The following TESK2 variants were observed in gnomAD, a reference collection of about 807,000 sequenced individuals.
TESK2 encodes the protein testis associated actin remodelling kinase 2, also known as dual specificity testis-specific protein kinase 2.
TESK2 carries 39 observed loss-of-function variants against 57.1 expected under a neutral mutation model. The observed-to-expected ratio is 0.68, with a 90% CI of 0.53 to 0.89. The LOEUF (loss-of-function observed/expected upper bound fraction) is 0.89, where lower values mean the gene tolerates loss of function less well. TESK2 is among the 40% of genes least tolerant of loss of function. The pLI, the probability that TESK2 is intolerant of heterozygous loss-of-function variation, is 0.00. For missense variants in TESK2, 646 were observed against 732.1 expected (o/e 0.88, Z 1.36); for synonymous variants, 249 against 267.9 (o/e 0.93, Z 0.69).
At chr1:45,463,874 C>G (rs1478045654) in intron 1 of TESK2, among the ~76,000 whole-genome samples, 1 of 152,166 alleles carries the variant, frequency 6.6e-6, no homozygotes, top group Admixed American at 6.6e-5. Flanking sequence ...TAGGCATGAG[C>G]CACCATGCCC....
chr1:45,402,913 T>C (rs1032332955), intron 3 of TESK2, among the ~76,000 whole-genome samples: 2 of 152,024 alleles, frequency 1.3e-5, no homozygotes, highest in African/African-American at 4.8e-5. Context: ...AATAAATTGC[T>C]TTGCATTTTA....
chr1:45,397,440 T>C (rs887098501), intron 3 of TESK2, among the ~76,000 whole-genome samples: 7 of 152,168 alleles, frequency 4.6e-5, no homozygotes, highest in African/African-American at 1.4e-4. Context: ...CTTGAGAAAC[T>C]GCTACTCAAA....
At position 45,384,617 on chromosome 1, in the gene TESK2, T is replaced by TTA. The variant is rs1557551630; in HGVS notation, c.393+1294_393+1295insTA. On this transcript the variant is annotated intron_variant, in intron 4 of 10. Coordinates refer to ENST00000372086, the MANE Select transcript of TESK2 (RefSeq NM_007170.3). ...AATTTTTTTTTTTTTTTTTTTTTTT[T>TTA]TTTTTTTTTGTAGAGACAGAGCCTT... 9.5e-5 allele frequency among the ~76,000 whole-genome samples: 13 copies of TTA among 137,432 alleles called. 1 individual carries two copies. The highest frequency in any genetic ancestry group is 3.6e-4 in the African/African-American group (13 of 35,798). 90.2% of individuals were successfully genotyped at this position (137,432 alleles called of 152,430 possible).
intron 2 of TESK2, among the ~76,000 whole-genome samples, chr1:45,442,003 C>G (rs1651464255): frequency 6.6e-6 from 1 of 152,144 alleles, no homozygotes; most frequent in African/African-American, 2.4e-5. Flanking sequence ...ATGGTGCTAT[C>G]TCGGCTCACC....
intron 3 of TESK2, among the ~76,000 whole-genome samples, chr1:45,416,072 CTT>C (rs34785518): frequency 5.5e-3 from 327 of 59,240 alleles, no homozygotes; most frequent in African/African-American, 0.018. Context: ...AATCTAGAGC[CTT>C]TTTTTTTTTT....
At chr1:45,421,621 CATG>C in intron 3 of TESK2, 101 bp downstream of exon 3, 1 of 1,472,204 alleles carries the variant, frequency 6.8e-7, no homozygotes, top group South Asian at 1.3e-5. Flanking sequence ...ATAGATTCAG[CATG>C]ATAAATCCTG....
At chr1:45,413,963 A>C (rs1411606315) in intron 3 of TESK2, 3 of 388,744 alleles carry the variant, frequency 7.7e-6, no homozygotes, top group African/African-American at 6.3e-5. Context: ...CCTAAGTATT[A>C]ACAGCAAATT....
At chr1:45,483,667 G>C (rs1315189195) in intron 1 of TESK2, among the ~76,000 whole-genome samples, 1 of 151,996 alleles carries the variant, frequency 6.6e-6, no homozygotes, top group African/African-American at 2.4e-5. Flanking sequence ...CAGTAGTTAA[G>C]TTTTGCCGCG....
At chr1:45,373,156 A>C (rs1648272391) in intron 4 of TESK2, among the ~76,000 whole-genome samples, 1 of 152,218 alleles carries the variant, frequency 6.6e-6, no homozygotes, top group Non-Finnish European at 1.5e-5. Context: ...ACAACAAAAA[A>C]AGATTTGTAT....
chr1:45,384,373 A>ATCTG (rs1243870923), intron 4 of TESK2, among the ~76,000 whole-genome samples: 24 of 135,232 alleles, frequency 1.8e-4, no homozygotes, highest in African/African-American at 3.7e-4. Flanking sequence ...GTATCTATCT[A>ATCTG]TCTATCTATC....
chr1:45,461,393 T>A (rs1652324555), intron 1 of TESK2, among the ~76,000 whole-genome samples: 1 of 152,012 alleles, frequency 6.6e-6, no homozygotes. Flanking sequence ...GTAGGTCTGA[T>A]CTCCATTTTA....
intron 2 of TESK2, among the ~76,000 whole-genome samples, chr1:45,441,977 C>T (rs1447871543): frequency 6.6e-6 from 1 of 152,072 alleles, no homozygotes; most frequent in Non-Finnish European, 1.5e-5. Context: ...GCTCTTGTTG[C>T]CCAAGCTGGA....
At chr1:45,403,786 C>T (rs1649726695) in intron 3 of TESK2, among the ~76,000 whole-genome samples, 1 of 150,316 alleles carries the variant, frequency 6.7e-6, no homozygotes. Context: ...TATATACCCT[C>T]TATCTTGAAT....
intron 2 of TESK2, among the ~76,000 whole-genome samples, chr1:45,446,234 C>A (rs1007859): frequency 7.3e-5 from 11 of 150,000 alleles, no homozygotes; most frequent in Admixed American, 7.3e-4. Context: ...CCAAGGTAGG[C>A]GGATCACTTG....
intron 3 of TESK2, among the ~76,000 whole-genome samples, chr1:45,390,748 GTATTAT>G (rs898956659): frequency 1.3e-5 from 2 of 149,016 alleles, no homozygotes; most frequent in African/African-American, 5.0e-5. Flanking sequence ...GCTAATTTTG[GTATTAT>G]TATTATTATT....
In TESK2 at chr1:45,384,614, T is replaced by TATTTA. The variant is rs1310871577; in HGVS notation, c.393+1297_393+1298insTAAAT. Among the ~76,000 whole-genome samples the TATTTA allele has an allele frequency of 6.6e-3, 882 of 134,000 alleles. 20 individuals are homozygous for TATTTA. Among genetic ancestry groups the TATTTA allele is most frequent in the African/African-American group, 0.015 (516 of 35,124 alleles). The allele number at this position is 134,000 out of a possible 152,430, so 87.9% of individuals were successfully genotyped here. ...ATTAATTTTTTTTTTTTTTTTTTTT[T>TATTTA]TTTTTTTTTTTTGTAGAGACAGAGC... is the stretch of plus-strand genomic sequence containing the variant. On this transcript the variant is annotated intron_variant, in intron 4 of 10. Coordinates refer to ENST00000372086, the MANE Select transcript of TESK2 (RefSeq NM_007170.3).
intron 3 of TESK2, among the ~76,000 whole-genome samples, chr1:45,395,609 C>CTTTTT (rs201678906): frequency 7.6e-4 from 101 of 132,538 alleles, no homozygotes; most frequent in African/African-American, 2.8e-3. Context: ...CTTTTCTTTT[C>CTTTTT]TTTTTTTTTT....
chr1:45,374,022 C>T (rs1648309199), intron 4 of TESK2, among the ~76,000 whole-genome samples: 1 of 152,182 alleles, frequency 6.6e-6, no homozygotes, highest in South Asian at 2.1e-4. Context: ...TCTGTGAATT[C>T]AAGTGTCACA....
intron 4 of TESK2, among the ~76,000 whole-genome samples, chr1:45,384,831 G>A (rs1324345683): frequency 1.3e-5 from 2 of 151,916 alleles, no homozygotes; most frequent in African/African-American, 2.4e-5. Flanking sequence ...TCAAACGTAT[G>A]TAATCAAGAC....
Sources: allele counts gnomAD v4.1 joint callset (sites outside exome capture counted in the v4.1 genomes callset), GRCh38; gene constraint gnomAD v4.1.1; transcripts MANE v1.5; gene names NCBI Gene and HGNC (gene_info 2026-07-23, HGNC 2026-07-21).